The following DLG2 variants were observed in gnomAD, a reference collection of about 807,000 sequenced individuals.
DLG2 encodes discs large MAGUK scaffold protein 2.
Under a neutral mutation model 132.5 loss-of-function variants are expected in DLG2, and 45 were observed. The observed-to-expected ratio is 0.34, with a 90% CI of 0.27 to 0.44. The LOEUF is 0.44. Ranked by LOEUF, DLG2 falls within the 20% of genes least tolerant of loss-of-function variation. The pLI, the probability that DLG2 is intolerant of heterozygous loss-of-function variation, is 1.00. For synonymous variants in DLG2, 424 were observed against 419.6 expected, an observed-to-expected ratio of 1.01 and a Z score of -0.13; for missense variants, 1,045 against 1,196.9, an observed-to-expected ratio of 0.87 and a Z score of 1.87.
At chr11:84,023,620 A>G (rs2095460326) in intron 11 of DLG2, among the ~76,000 whole-genome samples, 1 of 152,194 alleles carries the variant, frequency 6.6e-6, no homozygotes, top group African/African-American at 2.4e-5. Flanking sequence ...ATGGTTTCTC[A>G]ATAAATATAT....
chr11:83,487,115 C>CAATT (rs2093567179), intron 21 of DLG2, among the ~76,000 whole-genome samples: 1 of 152,042 alleles, frequency 6.6e-6, no homozygotes, highest in Non-Finnish European at 1.5e-5. Flanking sequence ...GCCCTATTCT[C>CAATT]AATTATACTT....
At chr11:84,253,939 C>T (rs1033266883) in intron 7 of DLG2, among the ~76,000 whole-genome samples, 3 of 152,034 alleles carry the variant, frequency 2.0e-5, no homozygotes, top group African/African-American at 7.2e-5. Flanking sequence ...AAGAACTAGA[C>T]AAAGCAAAGA....
intron 6 of DLG2, among the ~76,000 whole-genome samples, chr11:84,580,503 G>T (rs570203579): frequency 6.6e-6 from 1 of 152,280 alleles, no homozygotes; most frequent in East Asian, 1.9e-4. Context: ...CACTAAAGCA[G>T]TTCACAGGCT....
chr11:83,523,023 T>C (rs993559579), intron 21 of DLG2, among the ~76,000 whole-genome samples: 6 of 152,194 alleles, frequency 3.9e-5, no homozygotes, highest in African/African-American at 1.4e-4. Flanking sequence ...ATTACCATAG[T>C]GAGCAAGTCA....
chr11:83,870,344 A>G (rs746679706), intron 16 of DLG2, among the ~76,000 whole-genome samples: 47 of 152,334 alleles, frequency 3.1e-4, no homozygotes, highest in Admixed American at 1.3e-3. Context: ...GCTCCCATTT[A>G]TAAGTGAGAA....
At chr11:84,550,173 C>T (rs2099399137) in intron 6 of DLG2, among the ~76,000 whole-genome samples, 2 of 151,786 alleles carry the variant, frequency 1.3e-5, no homozygotes, top group Non-Finnish European at 2.9e-5. Flanking sequence ...CATGTATATG[C>T]TCAATTCAGC....
At chr11:84,189,801 A>G (rs2096366610) in intron 8 of DLG2, among the ~76,000 whole-genome samples, 1 of 152,086 alleles carries the variant, frequency 6.6e-6, no homozygotes, top group African/African-American at 2.4e-5. Flanking sequence ...ATGGTGAAAC[A>G]ACACACACTG....
At chr11:84,276,820 T>C (rs1002313641) in intron 7 of DLG2, among the ~76,000 whole-genome samples, 3 of 152,192 alleles carry the variant, frequency 2.0e-5, no homozygotes, top group Admixed American at 1.3e-4. Flanking sequence ...TCATGACAAT[T>C]GCACTTCCAG....
intron 18 of DLG2, chr11:83,725,205 G>A: frequency 9.8e-6 from 3 of 306,906 alleles, no homozygotes; most frequent in Non-Finnish European, 1.8e-5. Context: ...AAAAGGCTTA[G>A]TCCTGGAAAA....
chr11:84,199,472 C>T (rs1566906428), intron 8 of DLG2, among the ~76,000 whole-genome samples: 1 of 151,956 alleles, frequency 6.6e-6, no homozygotes, highest in East Asian at 1.9e-4. Flanking sequence ...GAAATCAATC[C>T]ATAGATCACC....
chr11:85,267,116 C>G (rs1232104440), intron 4 of DLG2, among the ~76,000 whole-genome samples: 1 of 152,106 alleles, frequency 6.6e-6, no homozygotes, highest in African/African-American at 2.4e-5. Flanking sequence ...GTTATTTAGG[C>G]CTTTGAAAGG....
chr11:83,892,699 T>TAA (rs5793090), intron 15 of DLG2, among the ~76,000 whole-genome samples: 44,617 of 146,926 alleles, frequency 0.3, 6,784 homozygotes, highest in South Asian at 0.47. Context: ...TGCAAAGAAT[T>TAA]AAAAAAAAAA....
chr11:84,378,457 T>C (rs1218761759), intron 7 of DLG2, among the ~76,000 whole-genome samples: 1 of 152,092 alleles, frequency 6.6e-6, no homozygotes, highest in Non-Finnish European at 1.5e-5. Context: ...TCTGTAATAT[T>C]TAGTCATAGC....
At chr11:84,818,380 C>A (rs2077301016) in intron 6 of DLG2, among the ~76,000 whole-genome samples, 1 of 151,882 alleles carries the variant, frequency 6.6e-6, no homozygotes, top group Admixed American at 6.6e-5. Context: ...GAAATAAAAA[C>A]CCTCAATAGA....
intron 6 of DLG2, among the ~76,000 whole-genome samples, chr11:84,748,574 CATTTGCTT>C (rs1284544651): frequency 2.6e-5 from 4 of 152,156 alleles, no homozygotes; most frequent in Admixed American, 6.5e-5. Flanking sequence ...GCTAGATATT[CATTTGCTT>C]ATTTGCTAAT....
intron 10 of DLG2, among the ~76,000 whole-genome samples, chr11:84,062,151 G>C (rs186887936): frequency 6.6e-6 from 1 of 152,196 alleles, no homozygotes; most frequent in East Asian, 1.9e-4. Context: ...ATTGTCAATT[G>C]CTGGTGTGAG....
At chr11:85,504,757 T>A (rs1159489043) in intron 3 of DLG2, among the ~76,000 whole-genome samples, 13 of 152,118 alleles carry the variant, frequency 8.5e-5, no homozygotes, top group African/African-American at 3.1e-4. Context: ...AAGAAAGTCA[T>A]TGGTAGCTTG....
chr11:83,790,480 T>A, intron 17 of DLG2: 3 of 1,229,680 alleles, frequency 2.4e-6, no homozygotes, highest in Non-Finnish European at 3.6e-6. Flanking sequence ...GTCACTACCA[T>A]GGGACCACTA....
chr11:84,456,638 CCTT>C (rs2099066185), intron 7 of DLG2, among the ~76,000 whole-genome samples: 2 of 151,378 alleles, frequency 1.3e-5, no homozygotes, highest in Admixed American at 1.3e-4. Context: ...TATGGTCACT[CCTT>C]CAAGTCTTCA....
Sources: allele counts gnomAD v4.1 joint callset (sites outside exome capture counted in the v4.1 genomes callset), GRCh38; gene constraint gnomAD v4.1.1; transcripts MANE v1.5; gene names NCBI Gene and HGNC (gene_info 2026-07-23, HGNC 2026-07-21).